The following TLN1 variants were observed in gnomAD, a reference collection of about 807,000 sequenced individuals.
The protein encoded by TLN1 is talin 1, also known as talin-1.
Under a neutral mutation model 292.3 loss-of-function variants are expected in TLN1, and 56 were observed. The ratio of observed to expected loss-of-function variants is 0.19; its 90% CI spans 0.15 to 0.24. The LOEUF is 0.24. TLN1 is among the 10% of genes least tolerant of loss of function. TLN1 has a pLI of 1.00. For missense variants in TLN1, 2,433 were observed against 3,248.2 expected (o/e 0.75, Z 6.10); for synonymous variants, 1,119 against 1,253.7 (o/e 0.89, Z 2.27).
Position 35,699,064 on chromosome 9 carries a change from G to A in TLN1, c.6967C>T (p.Leu2323=), listed in dbSNP as rs1219892823. 6.2e-7 allele frequency: 1 copy of A among 1,613,934 alleles called. No homozygotes were observed. The highest frequency in any genetic ancestry group is 2.2e-5 in the East Asian group (1 of 44,880). ...TTGGCCCGGGGCTTCAGCTGCTCTA[G>A]CTTTTTGGCTGCAGCCTCAATGGCG... ...AAAIEAAAKK[L]EQLKPRAKPK... The change falls in exon 52 of 57, where the codon CTA becomes TTA. Residue 2323 remains leucine (L), a synonymous_variant. Coordinates refer to ENST00000314888, the MANE Select transcript of TLN1 (RefSeq NM_006289.4). The surrounding 1 kb of genome is among the most constrained non-coding windows in gnomAD (Gnocchi z 4.0).
In TLN1 at chr9:35,707,835, G is replaced by A. The variant is rs2131888049; in HGVS notation, c.4528C>T (p.Arg1510Cys). The A allele has an allele frequency of 1.2e-6, 2 of 1,614,190 alleles. No individual in the cohort carries two copies. The highest frequency in any genetic ancestry group is 1.7e-6 in the Non-Finnish European group (2 of 1,180,038). The change falls in exon 35 of 57, where the codon CGC (arginine) becomes TGC (cysteine). Residue 1510 changes from arginine to cysteine, a missense_variant. Around this residue, in one of 7 missense-constraint regions of TLN1, gnomAD observed 1,384 missense variants for 1,699.6 expected, o/e 0.81. Transcript: ENST00000314888. The surrounding 1 kb of genome is among the most constrained non-coding windows in gnomAD (Gnocchi z 5.6). ...KHTSALCNSC[R>C]LASARTTNPT... ...TTGGTGGTACGGGCAGAAGCCAGGCGACAGCTGTTACACAGTGCAGAGGTG... is the reference window on the plus strand; with the variant it reads ...TTGGTGGTACGGGCAGAAGCCAGGCAACAGCTGTTACACAGTGCAGAGGTG...
Position 35,710,977 on chromosome 9 carries a change from C to T in TLN1, c.4113+12G>A. On this transcript the variant is annotated intron_variant, in intron 31 of 56. Transcript: ENST00000314888. Reference sequence around the variant, plus strand: ...CCTCAACCTCAATGCCATCAGCCTGCCATGTGTCTACCTCCAATTCCCGCA... The same window carrying T: ...CCTCAACCTCAATGCCATCAGCCTGTCATGTGTCTACCTCCAATTCCCGCA... 3 of 1,614,144 alleles carry T rather than the reference C, an allele frequency of 1.9e-6. No homozygotes were observed. Among genetic ancestry groups the T allele is most frequent in the Non-Finnish European group, 2.5e-6 (3 of 1,179,994 alleles).
chr9:35,705,918 G>A (rs1825557576), intron 41 of TLN1, 44 bp downstream of exon 41: 3 of 1,614,026 alleles, frequency 1.9e-6, no homozygotes, highest in Non-Finnish European at 2.5e-6. Flanking sequence ...GGAGGCTCTG[G>A]CCCAGGGTAG....
At position 35,724,465 on chromosome 9, in the gene TLN1, C is replaced by T. The variant is rs1825933483; in HGVS notation, c.511+107G>A. 6.4e-7 allele frequency: 1 copy of T among 1,560,220 alleles called. No individual in the cohort carries two copies. The highest frequency in any genetic ancestry group is 1.8e-5 in the Admixed American group (1 of 55,470). ...CCATGAGTGTAGGACTTTGTTTTCT[C>T]ACTGATGTATCCCCAGGGTGTAAAA... On this transcript the variant is annotated intron_variant, in intron 5 of 56. Coordinates refer to ENST00000314888, the MANE Select transcript of TLN1 (RefSeq NM_006289.4). This position sits in a 1 kb window ranked among gnomAD's most constrained non-coding sequence, Gnocchi z 4.7.
rs1183784519 is a variant in TLN1 at position 35,720,290 on chromosome 9, C to T, written c.1284-71G>A. On this transcript the variant is annotated intron_variant, in intron 12 of 56. Coordinates refer to ENST00000314888, the MANE Select transcript of TLN1 (RefSeq NM_006289.4). The stretch of plus-strand genomic sequence containing the variant: ...TACCCGTCCCACCCGGTTACACTAC[C>T]TTTGCAGGTGTGTGAGGTCTCACTA... 5 of 1,540,852 alleles carry T rather than the reference C, an allele frequency of 3.2e-6. No homozygotes were observed. In the African/African-American group the frequency reaches 6.9e-5, roughly 21 times the overall value.
chr9:35,711,138 T>C, intron 30 of TLN1, 56 bp from the exon 31 acceptor site: 1 of 1,610,746 alleles, frequency 6.2e-7, no homozygotes, highest in Non-Finnish European at 8.5e-7. Context: ...TCCTGGGTCC[T>C]ATGTAAGTAT....
At position 35,699,536 on chromosome 9, in the gene TLN1, C is replaced by A. The variant is rs1041805294; in HGVS notation, c.6769-75G>T. The A allele has an allele frequency of 6.6e-6, 10 of 1,518,654 alleles. No homozygotes were observed. Among genetic ancestry groups the A allele is most frequent in the Non-Finnish European group, 8.9e-6 (10 of 1,129,304 alleles). The allele number at this position is 1,518,654 out of a possible 1,614,324, so 94.1% of individuals were successfully genotyped here. On this transcript the variant is annotated intron_variant, in intron 50 of 56. Transcript: ENST00000314888. The surrounding 1 kb of genome is among the most constrained non-coding windows in gnomAD (Gnocchi z 4.0). ...CCCTGATCTATGAAATAGGGCAGAC[C>A]ATGGCCCCCTCACCCCTATCCCTAG...
chr9:35,710,448 G>A, intron 33 of TLN1, 113 bp downstream of exon 33: 2 of 1,446,410 alleles, frequency 1.4e-6, no homozygotes, highest in Non-Finnish European at 1.9e-6. Context: ...AGATTCCATA[G>A]AGTTGGCTTT....
Position 35,719,011 on chromosome 9 carries a change from A to G in TLN1, c.1896+63T>C. The G allele has an allele frequency of 6.3e-7, 1 of 1,596,974 alleles. No individual in the cohort carries two copies. The highest frequency in any genetic ancestry group is 8.6e-7 in the Non-Finnish European group (1 of 1,167,884). On this transcript the variant is annotated intron_variant, in intron 16 of 56. Transcript: ENST00000314888. The surrounding 1 kb of genome is among the most constrained non-coding windows in gnomAD (Gnocchi z 4.6). ...CCCAGGCTTCCATCCTGTGGCTTGG[A>G]CTGCCCCTTCTCCTTGGGCTTGAAC...
At position 35,697,765 on chromosome 9, in the gene TLN1, G is replaced by A. The variant is rs762857073; in HGVS notation, c.*26C>T. 6 of 1,613,040 alleles carry A rather than the reference G, an allele frequency of 3.7e-6. No homozygotes were observed. In the East Asian group the frequency reaches 1.3e-4, roughly 36 times the overall value. On this transcript the variant is annotated 3_prime_UTR_variant, in exon 57 of 57. Transcript: ENST00000314888. The stretch of plus-strand genomic sequence containing the variant: ...GTGGCACGCACAGTCTCTGGGCCGG[G>A]TCTGCATTAAATAGAAGAGGCTTCT...
chr9:35,720,758 C>T, intron 11 of TLN1, 54 bp downstream of exon 11: 1 of 1,540,546 alleles, frequency 6.5e-7, no homozygotes, highest in Non-Finnish European at 9.0e-7. Flanking sequence ...AAAGGACTGG[C>T]TTGTGGAGAG....
Position 35,719,443 on chromosome 9 carries a change from G to T in TLN1, c.1687+76C>A. On this transcript the variant is annotated intron_variant, in intron 15 of 56. Coordinates refer to ENST00000314888, the MANE Select transcript of TLN1 (RefSeq NM_006289.4). This position sits in a 1 kb window ranked among gnomAD's most constrained non-coding sequence, Gnocchi z 4.6. ...GAGTCAAGGCACAGTCACACATGAA[G>T]CCAGTCACATGCATGCCTGTGCACA... 7.1e-7 allele frequency: 1 copy of T among 1,405,840 alleles called. No homozygotes were observed. Among genetic ancestry groups the T allele is most frequent in the Non-Finnish European group, 1.0e-6 (1 of 992,144 alleles). The allele number at this position is 1,405,840 out of a possible 1,614,324, so 87.1% of individuals were successfully genotyped here. A position where few individuals can be genotyped will look rare whatever the true frequency, so the allele number is the denominator to read the frequency against.
At chr9:35,721,860 T>A in intron 9 of TLN1, 57 bp from the exon 10 acceptor site, 2 of 1,589,746 alleles carry the variant, frequency 1.3e-6, no homozygotes, top group South Asian at 1.1e-5. Flanking sequence ...GAGAGGTGAA[T>A]GATCAGATCA....
At position 35,714,486 on chromosome 9, in the gene TLN1, G is replaced by C; in HGVS notation, c.2985+88C>G. The C allele has an allele frequency of 6.3e-7, 1 of 1,581,744 alleles. No homozygotes were observed. The highest frequency in any genetic ancestry group is 8.6e-7 in the Non-Finnish European group (1 of 1,167,396). On this transcript the variant is annotated intron_variant, in intron 23 of 56. Coordinates refer to ENST00000314888, the MANE Select transcript of TLN1 (RefSeq NM_006289.4). The surrounding 1 kb of genome is among the most constrained non-coding windows in gnomAD (Gnocchi z 4.6). ...CACTGGGGCTTGGTATTGGGAAAGA[G>C]GCTCTTGGCAGAGATTCAAACTGTG...
Position 35,698,875 on chromosome 9 carries a change from G to A in TLN1, c.7058C>T (p.Ala2353Val). The change falls in exon 53 of 57, where the codon GCA becomes GTA. Residue 2353 changes from alanine (A) to valine (V), a missense_variant. Ala to Val is a moderately conservative substitution (Grantham distance 64). This residue lies in a region of TLN1 where 141 missense variants were observed against 248.5 expected (regional missense o/e 0.57). Transcript: ENST00000314888. The surrounding 1 kb of genome is among the most constrained non-coding windows in gnomAD (Gnocchi z 5.3). ...CTTTACCAGTGCACTGGTGGCTGCT[G>A]CAATGGACTTGGCAGCTTCTAGTAT... ...EQILEAAKSI[A>V]AATSALVKAA... The A allele has an allele frequency of 6.2e-7, 1 of 1,614,168 alleles. No individual in the cohort carries two copies. The highest frequency in any genetic ancestry group is 8.5e-7 in the Non-Finnish European group (1 of 1,180,024).
intron 33 of TLN1, 39 bp from the exon 34 acceptor site, chr9:35,708,523 T>C (rs775113683): frequency 1.9e-5 from 29 of 1,498,998 alleles, no homozygotes; most frequent in South Asian, 1.1e-4. Context: ...GGAATAAAGA[T>C]TGCAGGTGGG....
chr9:35,708,856 CCT>C (rs1825610849), intron 33 of TLN1, among the ~76,000 whole-genome samples: 1 of 152,176 alleles, frequency 6.6e-6, no homozygotes, highest in Non-Finnish European at 1.5e-5. Context: ...TAAATACACA[CCT>C]TTGTGCACAC....
Position 35,706,078 on chromosome 9 carries a change from C to T in TLN1, c.5395G>A (p.Ala1799Thr), listed in dbSNP as rs764663644. The change falls in exon 41 of 57, where the codon GCT becomes ACT. Residue 1799 changes from alanine (A) to threonine (T), a missense_variant. This residue lies in a region of TLN1 where 1,384 missense variants were observed against 1,699.6 expected (regional missense o/e 0.81). Coordinates refer to ENST00000314888, the MANE Select transcript of TLN1 (RefSeq NM_006289.4). The surrounding 1 kb of genome is among the most constrained non-coding windows in gnomAD (Gnocchi z 4.2). ...AAHTQEALEE[A>T]VQMMTEAVED... The stretch of plus-strand genomic sequence containing the variant: ...ACGGCCTCGGTCATCATCTGCACAG[C>T]CTCCTCCAGGGCTTCCTGGGTGTGA... 1 of 1,614,188 alleles carries T rather than the reference C, an allele frequency of 6.2e-7. No individual in the cohort carries two copies. Among genetic ancestry groups the T allele is most frequent in the Non-Finnish European group, 8.5e-7 (1 of 1,180,038 alleles).
chr9:35,714,809 G>T lies in TLN1; in HGVS notation c.2822C>A (p.Thr941Asn). ...TIAAAQHAAS[T>N]PKASAGPQPL... ...CTGGGGGCCGGCAGAGGCCTTGGGG[G>T]TAGAGGCTGCGTGCTGAGCTGCAGC... Residue 941 changes from threonine (T) to asparagine (N), a missense_variant, in exon 22 of 57, where the codon ACC becomes AAC. Thr to Asn is a moderately conservative substitution (Grantham distance 65). This residue lies in a region of TLN1 where 617 missense variants were observed against 770.6 expected (regional missense o/e 0.80). Coordinates refer to ENST00000314888, the MANE Select transcript of TLN1 (RefSeq NM_006289.4). The surrounding 1 kb of genome is among the most constrained non-coding windows in gnomAD (Gnocchi z 4.6). The T allele has an allele frequency of 6.3e-7, 1 of 1,579,040 alleles. No individual in the cohort carries two copies. The highest frequency in any genetic ancestry group is 8.6e-7 in the Non-Finnish European group (1 of 1,162,692).
Sources: allele counts gnomAD v4.1 joint callset (sites outside exome capture counted in the v4.1 genomes callset), GRCh38; gene constraint gnomAD v4.1.1; regional missense constraint gnomAD v4.1.1; non-coding constraint Gnocchi (gnomAD v3.1); transcripts MANE v1.5; gene names NCBI Gene and HGNC (gene_info 2026-07-23, HGNC 2026-07-21).